CCDC40: variants seen among roughly 807,000 people sequenced by gnomAD.
CCDC40 encodes coiled-coil domain-containing protein 40.
A neutral mutation model predicts 124.5 loss-of-function variants in CCDC40; 104 were observed. That is an observed-to-expected ratio of 0.84 (90% CI 0.71 to 0.98). The LOEUF is 0.98. Ranked by LOEUF, CCDC40 falls within the 50% of genes least tolerant of loss-of-function variation. CCDC40 has a pLI of 0.00. For missense variants in CCDC40, 1,463 were observed against 1,503.9 expected, an observed-to-expected ratio of 0.97 and a Z score of 0.45; for synonymous variants, 580 against 602.9, an observed-to-expected ratio of 0.96 and a Z score of 0.56.
intron 4 of CCDC40, among the ~76,000 whole-genome samples, chr17:80,047,765 A>G (rs940011504): frequency 6.6e-6 from 1 of 152,040 alleles, no homozygotes; most frequent in Non-Finnish European, 1.5e-5. Flanking sequence ...TCAGAGCGAG[A>G]CGTGCCGTGA....
At chr17:80,064,540 C>T (rs924184893) in intron 9 of CCDC40, among the ~76,000 whole-genome samples, 8 of 152,106 alleles carry the variant, frequency 5.3e-5, no homozygotes. Flanking sequence ...GTACCCATGT[C>T]ACAGCTGGGG....
In CCDC40 at chr17:80,086,149, G is replaced by T; in HGVS notation, c.2382G>T (p.Gln794His). 5.6e-6 allele frequency: 9 copies of T among 1,614,066 alleles called. No individual in the cohort carries two copies. The highest frequency in any genetic ancestry group is 7.6e-6 in the Non-Finnish European group (9 of 1,180,004). ...AGGTGACACAGGAGCAGGAGGAGCA[G>T]CTGGCCTCCCTGGACGCATCCAAGA... ...MVKVTQEQEE[Q>H]LASLDASKKE... Residue 794 changes from glutamine to histidine, a missense_variant, in exon 14 of 20, where the codon CAG (glutamine) becomes CAT (histidine). Transcript: ENST00000397545. The surrounding 1 kb of genome is among the most constrained non-coding windows in gnomAD (Gnocchi z 5.5).
At chr17:80,055,030 G>T (rs937949364) in intron 7 of CCDC40, among the ~76,000 whole-genome samples, 1 of 151,758 alleles carries the variant, frequency 6.6e-6, no homozygotes, top group Admixed American at 6.6e-5. Flanking sequence ...AAAAAAAAAG[G>T]CTTCCTGGGT....
At chr17:80,061,356 A>G (rs2143659751) in intron 9 of CCDC40, among the ~76,000 whole-genome samples, 1 of 152,322 alleles carries the variant, frequency 6.6e-6, no homozygotes, top group South Asian at 2.1e-4. Flanking sequence ...AAAAAACAAA[A>G]CAAAACAAAA....
intron 5 of CCDC40, 123 bp from the exon 6 acceptor site, chr17:80,049,783 G>A: frequency 2.6e-6 from 2 of 769,890 alleles, no homozygotes; most frequent in Non-Finnish European, 4.6e-6. Flanking sequence ...GAAGCAGGGA[G>A]CACTCCACAC....
intron 3 of CCDC40, 103 bp from the exon 4 acceptor site, chr17:80,047,176 A>G: frequency 7.7e-7 from 1 of 1,303,998 alleles, no homozygotes; most frequent in Non-Finnish European, 1.1e-6. Context: ...AGGTGACTAT[A>G]TTTTGAGTCT....
chr17:80,090,451 GCACGTGCATGAACAACACAGGACACACAC>G (rs1266636291), intron 17 of CCDC40: 29 of 1,343,276 alleles, frequency 2.2e-5, no homozygotes, highest in Middle Eastern at 5.2e-4. Flanking sequence ...ACACACACAA[GCACGTGCATGAACAACACAGGACACACAC>G]AAGCACGTGC....
chr17:80,036,879 C>T (rs1220082007), intron 1 of CCDC40, 188 bp downstream of exon 1: 2 of 493,702 alleles, frequency 4.1e-6, no homozygotes, highest in Non-Finnish European at 7.0e-6. Flanking sequence ...CCCTCACCCC[C>T]CCGCCAACCC....
Position 80,090,831 on chromosome 17 carries a change from C to T in CCDC40, c.2832+947C>T, listed in dbSNP as rs572320168. ...CACCATGCCATGCTAAATAGAAATT[C>T]CTCTGCTGAGTTATTTTTCAGATCA... On this transcript the variant is annotated intron_variant, in intron 17 of 19. Transcript: ENST00000397545. The T allele has an allele frequency of 5.3e-5, 63 of 1,179,304 alleles. No homozygotes were observed. The African/African-American group carries it at 8.4e-4, about 16-fold the overall frequency. 73.1% of individuals were successfully genotyped at this position (1,179,304 alleles called of 1,614,324 possible).
At position 80,067,497 on chromosome 17, in the gene CCDC40, T is replaced by C. The variant is rs115235000; in HGVS notation, c.1562+1891T>C. 3.3e-3 allele frequency: 3,871 copies of C among 1,169,854 alleles called. 99 individuals are homozygous for C. The African/African-American group carries it at 0.053, about 16-fold the overall frequency. The allele number at this position is 1,169,854 out of a possible 1,614,324, so 72.5% of individuals were successfully genotyped here. On this transcript the variant is annotated intron_variant, in intron 10 of 19. Transcript: ENST00000397545. The stretch of plus-strand genomic sequence containing the variant: ...GTTCTGCACCTCTTTGCTTTTTCCA[T>C]TTAACAGCGTGTCCCTAGAGCGCTT...
intron 17 of CCDC40, 32 bp from the exon 18 acceptor site, chr17:80,095,231 C>A: frequency 6.2e-7 from 1 of 1,608,308 alleles, no homozygotes; most frequent in Non-Finnish European, 8.5e-7. Context: ...TCAGGCCTGC[C>A]CCAGCCCCAG....
Position 80,100,010 on chromosome 17 carries a change from T to C in CCDC40, c.*235T>C. 2 of 558,106 alleles carry C rather than the reference T, an allele frequency of 3.6e-6. No individual in the cohort carries two copies. Among genetic ancestry groups the C allele is most frequent in the Non-Finnish European group, 6.4e-6 (2 of 311,678 alleles). 34.6% of individuals were successfully genotyped at this position (558,106 alleles called of 1,614,324 possible). A position where few individuals can be genotyped will look rare whatever the true frequency, so the allele number is the denominator to read the frequency against. On this transcript the variant is annotated 3_prime_UTR_variant, in exon 20 of 20. Transcript: ENST00000397545. ...GGCATCCCATCGCAAAGACAGAGCC[T>C]GTGACTGCAGACCCACACACCCACA...
In CCDC40 at chr17:80,065,533, C is replaced by T; in HGVS notation, c.1489C>T (p.Gln497Ter). 6.2e-7 allele frequency: 1 copy of T among 1,613,100 alleles called. No individual in the cohort carries two copies. Among genetic ancestry groups the T allele is most frequent in the Non-Finnish European group, 8.5e-7 (1 of 1,179,946 alleles). ...AISVEKRRIMQQWASSLVGMK... is the reference protein window; with the variant it reads ...AISVEKRRIM ...CAGCGTGGAGAAGAGGCGCATCATGCAGCAATGGGCCAGCAGCCTGGTGGG... is the reference window on the plus strand; with the variant it reads ...CAGCGTGGAGAAGAGGCGCATCATGTAGCAATGGGCCAGCAGCCTGGTGGG... The change falls in exon 10 of 20, where the codon CAG (glutamine) becomes TAG (stop). Residue 497 changes from glutamine to a stop codon, truncating the protein, a stop_gained. Coordinates refer to ENST00000397545, the MANE Select transcript of CCDC40 (RefSeq NM_017950.4). LOFTEE classifies it high-confidence loss of function.
chr17:80,039,363 T>C (rs2143574587), intron 2 of CCDC40, among the ~76,000 whole-genome samples: 1 of 149,114 alleles, frequency 6.7e-6, no homozygotes, highest in Non-Finnish European at 1.5e-5. Flanking sequence ...TGAGCCCCTG[T>C]CACAAAAAAA....
Position 80,066,769 on chromosome 17 carries a change from A to G in CCDC40, c.1562+1163A>G, listed in dbSNP as rs1598512966. 2 of 152,556 alleles carry G rather than the reference A, an allele frequency of 1.3e-5. No homozygotes were observed. The highest frequency in any genetic ancestry group is 2.4e-5 in the African/African-American group (1 of 41,420). 9.5% of individuals were successfully genotyped at this position (152,556 alleles called of 1,614,324 possible). On this transcript the variant is annotated intron_variant, in intron 10 of 19. Transcript: ENST00000397545. The surrounding 1 kb of genome is among the most constrained non-coding windows in gnomAD (Gnocchi z 4.4). ...TCTCAAAAAAAATAAAAATAATAATAATACTCATTTCCTTCACTCCCTTGA... is the reference window on the plus strand; with the variant it reads ...TCTCAAAAAAAATAAAAATAATAATGATACTCATTTCCTTCACTCCCTTGA...
intron 10 of CCDC40, among the ~76,000 whole-genome samples, chr17:80,070,485 C>T (rs745829272): frequency 6.6e-6 from 1 of 152,142 alleles, no homozygotes; most frequent in Non-Finnish European, 1.5e-5. Context: ...CCTGTGGTCT[C>T]ATCTACTTGG....
At chr17:80,052,836 C>A (rs2037636120) in intron 7 of CCDC40, among the ~76,000 whole-genome samples, 1 of 152,110 alleles carries the variant, frequency 6.6e-6, no homozygotes, top group Non-Finnish European at 1.5e-5. Context: ...CTGGTAGTCT[C>A]ATGAGATTTT....
intron 5 of CCDC40, among the ~76,000 whole-genome samples, chr17:80,049,346 A>G (rs868331287): frequency 6.6e-5 from 10 of 151,144 alleles, no homozygotes; most frequent in South Asian, 4.2e-4. Flanking sequence ...CGGAGGTTGC[A>G]TGCAGACAGC....
At chr17:80,067,978 CCTG>C in intron 10 of CCDC40, 1 of 1,092,780 alleles carries the variant, frequency 9.2e-7, no homozygotes, top group Non-Finnish European at 1.1e-6. Context: ...TCTGACTTCA[CCTG>C]CAGCTTGCCA....
Sources: gnomAD v4.1 joint callset for allele counts (sites outside exome capture counted in the v4.1 genomes callset) on GRCh38, gnomAD v4.1.1 for gene constraint, Gnocchi (gnomAD v3.1) non-coding constraint, MANE v1.5 for transcripts, NCBI Gene and HGNC (gene_info 2026-07-23, HGNC 2026-07-21) for gene names.